Variants in USP30 observed in about 807,000 individuals in gnomAD.
USP30 encodes the protein ubiquitin carboxyl-terminal hydrolase 30.
Under a neutral mutation model 68.2 loss-of-function variants are expected in USP30, and 41 were observed. The ratio of observed to expected loss-of-function variants is 0.60; its 90% confidence interval spans 0.47 to 0.78. The LOEUF (loss-of-function observed/expected upper bound fraction) is 0.78, where lower values mean the gene tolerates loss of function less well. Among genes scored for constraint, USP30 ranks in the 30% least tolerant of loss-of-function variants. The probability of loss-of-function intolerance (pLI) is 0.00; values close to 1 mark genes in which losing one functional copy is unlikely to be tolerated. For missense variants in USP30, 522 were observed against 649.4 expected (o/e 0.80, Z 2.13); for synonymous variants, 229 against 253.7 (o/e 0.90, Z 0.93).
chr12:109,078,862 G>A (rs2041696619), intron 7 of USP30, among the ~76,000 whole-genome samples: 1 of 152,166 alleles, frequency 6.6e-6, no homozygotes, highest in Non-Finnish European at 1.5e-5. Context: ...GGTTGACAGT[G>A]TTGCCGTGGT....
Position 109,085,774 on chromosome 12 carries a change from C to T in USP30, c.1397C>T (p.Pro466Leu). Residue 466 changes from proline to leucine, a missense_variant, in exon 13 of 13, where the codon CCT (proline) becomes CTT (leucine). By Grantham distance (98) the Pro-to-Leu change is moderately conservative. Transcript: ENST00000257548. ...CGGTCCCCACCTTCTGCCAGGAACC[C>T]TCTCTCAACTAGCAATCAGTGGCTG... Reference protein sequence around the residue: ...YRRSPPSARNPLSTSNQWLWV... With the variant: ...YRRSPPSARNLLSTSNQWLWV... The T allele has an allele frequency of 6.2e-7, 1 of 1,614,232 alleles. No homozygotes were observed. The highest frequency in any genetic ancestry group is 8.5e-7 in the Non-Finnish European group (1 of 1,180,040).
intron 7 of USP30, among the ~76,000 whole-genome samples, chr12:109,078,733 T>G (rs547753770): frequency 3.2e-4 from 49 of 152,356 alleles, no homozygotes; most frequent in African/African-American, 1.1e-3. Flanking sequence ...CCTAAAAACT[T>G]CCTTTTAACA....
intron 3 of USP30, among the ~76,000 whole-genome samples, chr12:109,061,629 C>G (rs1308580814): frequency 6.6e-6 from 1 of 151,774 alleles, no homozygotes; most frequent in Non-Finnish European, 1.5e-5. Context: ...AGGCTGGTCT[C>G]GAACTCCTAA....
chr12:109,085,938 C>T lies in USP30; in HGVS notation c.*7C>T. ...GTGCAAGTCTGAAGAATGACTGTGC[C>T]CTCCTGCAAGGCTAGAGCTGATGGC... On this transcript the variant is annotated 3_prime_UTR_variant, in exon 13 of 13. Transcript: ENST00000257548. 6.2e-7 allele frequency: 1 copy of T among 1,611,582 alleles called. No individual in the cohort carries two copies. Among genetic ancestry groups the T allele is most frequent in the Non-Finnish European group, 8.5e-7 (1 of 1,178,464 alleles).
At chr12:109,071,271 A>G (rs1167087748) in intron 4 of USP30, among the ~76,000 whole-genome samples, 1 of 152,130 alleles carries the variant, frequency 6.6e-6, no homozygotes, top group Non-Finnish European at 1.5e-5. Context: ...GATAAATGTT[A>G]TGATATGTGT....
intron 7 of USP30, among the ~76,000 whole-genome samples, chr12:109,076,943 A>G (rs2041629489): frequency 6.6e-6 from 1 of 151,922 alleles, no homozygotes. Flanking sequence ...CGTGTTAGCC[A>G]GGATGGTCTC....
chr12:109,029,608 C>T (rs548906972), intron 3 of USP30, among the ~76,000 whole-genome samples: 1 of 152,312 alleles, frequency 6.6e-6, no homozygotes, highest in South Asian at 2.1e-4. Flanking sequence ...AGACTTTCCA[C>T]CCTCCCTCCG....
chr12:109,082,929 C>T lies in USP30; in HGVS notation c.1035C>T (p.Phe345=). ...TPLKRHEHVQ[F]NEFLMMDIYK... ...TGAAGCGGCATGAGCACGTGCAGTTCAATGAGTTCCTGATGATGGACATTT... is the reference window on the plus strand; with the variant it reads ...TGAAGCGGCATGAGCACGTGCAGTTTAATGAGTTCCTGATGATGGACATTT... The change falls in exon 11 of 13, where the codon TTC becomes TTT. Residue 345 remains phenylalanine (F), a synonymous_variant. Transcript: ENST00000257548. 1 of 1,614,236 alleles carries T rather than the reference C, an allele frequency of 6.2e-7. No homozygotes were observed. Among genetic ancestry groups the T allele is most frequent in the Non-Finnish European group, 8.5e-7 (1 of 1,180,044 alleles).
chr12:109,052,452 G>T, upstream of USP30: 1 of 405,818 alleles, frequency 2.5e-6, no homozygotes. Context: ...CCGACGCCGG[G>T]GCCTGTTGCT....
In USP30 at chr12:109,082,712, C is replaced by T; in HGVS notation, c.917C>T (p.Thr306Ile). Residue 306 changes from threonine to isoleucine, a missense_variant, in exon 10 of 13, where the codon ACC (threonine) becomes ATC (isoleucine). By Grantham distance (89) the Thr-to-Ile change is moderately conservative. Coordinates refer to ENST00000257548, the MANE Select transcript of USP30 (RefSeq NM_032663.5). ...LNGEKVEHQR[T>I]TFVKQLKLGK... Reference sequence around the variant, plus strand: ...GGGGAAAAGGTGGAACACCAGAGGACCACTTTTGTTAAACAGTTAAAACTA... The same window carrying T: ...GGGGAAAAGGTGGAACACCAGAGGATCACTTTTGTTAAACAGTTAAAACTA... The T allele has an allele frequency of 1.2e-6, 2 of 1,614,186 alleles. No homozygotes were observed. The highest frequency in any genetic ancestry group is 1.3e-5 in the African/African-American group (1 of 75,062).
chr12:109,069,154 A>C, intron 4 of USP30, among the ~76,000 whole-genome samples: 1 of 152,376 alleles, frequency 6.6e-6, no homozygotes, highest in South Asian at 2.1e-4. Context: ...AAGACAGTCT[A>C]GTGCTACAGT....
chr12:109,081,611 G>A lies in USP30; in HGVS notation c.780+218G>A, dbSNP rs192741079. The A allele has an allele frequency of 8.3e-4, 449 of 540,892 alleles. 2 individuals are homozygous for A. The African/African-American group carries it at 8.5e-3, about 10-fold the overall frequency. The allele number at this position is 540,892 out of a possible 1,614,324, so 33.5% of individuals were successfully genotyped here. A position where few individuals can be genotyped will look rare whatever the true frequency, so the allele number is the denominator to read the frequency against. ...AAATTTTGGCTTTTTGAATACACAC[G>A]CACGCATGCGCGCACACACACACAC... On this transcript the variant is annotated intron_variant, in intron 8 of 12. Coordinates refer to ENST00000257548, the MANE Select transcript of USP30 (RefSeq NM_032663.5).
intron 9 of USP30, 73 bp downstream of exon 9, chr12:109,082,092 C>T: frequency 6.7e-7 from 1 of 1,491,368 alleles, no homozygotes; most frequent in Non-Finnish European, 9.3e-7. Flanking sequence ...ACACCAGTGA[C>T]CCTGAGCTCT....
rs879314640 is a variant in USP30, at chr12:109,081,633, A to G, written c.780+240A>G. ...CACGCACGCATGCGCGCACACACAC[A>G]CACACACACACACACACACACACAC... On this transcript the variant is annotated intron_variant, in intron 8 of 12. Transcript: ENST00000257548. The G allele has an allele frequency of 5.8e-3, 2,939 of 503,080 alleles. 15 individuals are homozygous for G. Among genetic ancestry groups the G allele is most frequent in the African/African-American group, 0.019 (819 of 44,124 alleles). The allele number at this position is 503,080 out of a possible 1,614,324, so 31.2% of individuals were successfully genotyped here.
intron 4 of USP30, among the ~76,000 whole-genome samples, chr12:109,071,206 T>A (rs2041428034): frequency 6.6e-6 from 1 of 152,260 alleles, no homozygotes; most frequent in Non-Finnish European, 1.5e-5. Context: ...ATGGCAGTGA[T>A]GATTGTACAA....
chr12:109,084,868 A>C, intron 11 of USP30, 85 bp from the exon 12 acceptor site: 2 of 1,383,348 alleles, frequency 1.4e-6, no homozygotes, highest in Non-Finnish European at 1.9e-6. Context: ...CATTATGGGG[A>C]GTTAACTTTC....
chr12:109,072,861 C>A (rs2041488027), intron 6 of USP30, among the ~76,000 whole-genome samples: 2 of 152,184 alleles, frequency 1.3e-5, no homozygotes, highest in Non-Finnish European at 2.9e-5. Flanking sequence ...GTTGATGATA[C>A]TGGAGTTAAT....
intron 1 of USP30, among the ~76,000 whole-genome samples, chr12:109,056,067 C>T (rs1209693105): frequency 6.6e-6 from 1 of 152,108 alleles, no homozygotes; most frequent in Non-Finnish European, 1.5e-5. Context: ...AGAGCATTGG[C>T]TGGTAACGTT....
intron 3 of USP30, among the ~76,000 whole-genome samples, chr12:109,028,914 A>G (rs1370055295): frequency 6.6e-6 from 1 of 152,242 alleles, no homozygotes; most frequent in Non-Finnish European, 1.5e-5. Context: ...TGGAGATTAC[A>G]TTTTAACATG....
Sources: allele counts gnomAD v4.1 joint callset (sites outside exome capture counted in the v4.1 genomes callset), GRCh38; gene constraint gnomAD v4.1.1; transcripts MANE v1.5; gene names NCBI Gene and HGNC (gene_info 2026-07-23, HGNC 2026-07-21).